The following USP6NL variants were observed in gnomAD, a reference collection of about 807,000 sequenced individuals.
USP6NL encodes the protein USP6 N-terminal-like protein.
A neutral mutation model predicts 61.9 loss-of-function variants in USP6NL; 26 were observed. That is an observed-to-expected ratio of 0.42 (90% CI 0.31 to 0.58). The LOEUF (loss-of-function observed/expected upper bound fraction) is 0.58. Among genes scored for constraint, USP6NL ranks in the 20% least tolerant of loss-of-function variants. USP6NL has a pLI of 0.16. For missense variants in USP6NL, 1,114 were observed against 1,034.3 expected (o/e 1.08, Z -1.06); for synonymous variants, 432 against 390.1 (o/e 1.11, Z -1.27).
Position 11,511,641 on chromosome 10 carries a change from G to A in USP6NL, c.196-1966C>T, listed in dbSNP as rs17458263. Among the ~76,000 whole-genome samples, 22,953 of 151,884 alleles carry A rather than the reference G, an allele frequency of 0.15. 2,033 individuals carry two copies. The highest frequency in any genetic ancestry group is 0.21 in the South Asian group (1,025 of 4,810). ...CATGAATTATCAATGAATCACTTTA[G>A]GAAGCAGTCATTTTTTTAAAAGCAC... On this transcript the variant is annotated intron_variant, in intron 5 of 14. Transcript: ENST00000609104. The surrounding 1 kb of genome is among the most constrained non-coding windows in gnomAD (Gnocchi z 4.9).
chr10:11,482,396 A>C lies in USP6NL; in HGVS notation c.926-474T>G, dbSNP rs555369239. 2.0e-5 allele frequency among the ~76,000 whole-genome samples: 3 copies of C among 152,338 alleles called. No individual in the cohort carries two copies. In the South Asian group the frequency reaches 6.2e-4, roughly 32 times the overall value. On this transcript the variant is annotated intron_variant, in intron 13 of 14. Coordinates refer to ENST00000609104, the MANE Select transcript of USP6NL (RefSeq NM_014688.5). This position sits in a 1 kb window ranked among gnomAD's most constrained non-coding sequence, Gnocchi z 4.0. The stretch of plus-strand genomic sequence containing the variant: ...AGTTTTATTTCTATTTATGAAATTC[A>C]TTTTCTTGGAAAAAGACATTCAAAT...
At chr10:11,546,394 T>C (rs2133471838) in intron 2 of USP6NL, among the ~76,000 whole-genome samples, 1 of 152,222 alleles carries the variant, frequency 6.6e-6, no homozygotes, top group East Asian at 1.9e-4. Flanking sequence ...AAGAGACAAT[T>C]TGGATTTTTC....
chr10:11,494,731 G>C (rs886877242), intron 7 of USP6NL, among the ~76,000 whole-genome samples: 5 of 152,090 alleles, frequency 3.3e-5, no homozygotes, highest in East Asian at 1.9e-4. Context: ...CTGAGGCAGA[G>C]AGAGAGAGGG....
chr10:11,464,413 G>GC (rs1311940956), intron 14 of USP6NL, among the ~76,000 whole-genome samples: 1 of 152,210 alleles, frequency 6.6e-6, no homozygotes, highest in African/African-American at 2.4e-5. Context: ...TGTAAGGCCT[G>GC]CGATAGGCAG....
In USP6NL at chr10:11,511,737, C is replaced by T. The variant is rs58206066; in HGVS notation, c.196-2062G>A. On this transcript the variant is annotated intron_variant, in intron 5 of 14. Transcript: ENST00000609104. This position sits in a 1 kb window ranked among gnomAD's most constrained non-coding sequence, Gnocchi z 4.9. ...GCTATACATTCCCACGCTGCAAGAA[C>T]AAAACACACACATACACATACAAAA... Among the ~76,000 whole-genome samples the T allele has an allele frequency of 0.1, 15,800 of 151,722 alleles. 1,305 individuals are homozygous for T. The highest frequency in any genetic ancestry group is 0.42 in the East Asian group (2,194 of 5,176).
rs79080923 is a variant in USP6NL, at chr10:11,487,838, C to T, written c.664+1264G>A. Among the ~76,000 whole-genome samples, 4,226 of 152,264 alleles carry T rather than the reference C, an allele frequency of 0.028. 78 individuals are homozygous for T. Among genetic ancestry groups the T allele is most frequent in the Non-Finnish European group, 0.036 (2,448 of 68,024 alleles). Reference sequence around the variant, plus strand: ...CTTCCACACACACACAATATCCTCACATGGTCAGAGTGTGAGACTTCACAA... The same window carrying T: ...CTTCCACACACACACAATATCCTCATATGGTCAGAGTGTGAGACTTCACAA... On this transcript the variant is annotated intron_variant, in intron 10 of 14. Coordinates refer to ENST00000609104, the MANE Select transcript of USP6NL (RefSeq NM_014688.5). The surrounding 1 kb of genome is among the most constrained non-coding windows in gnomAD (Gnocchi z 4.2).
intron 2 of USP6NL, among the ~76,000 whole-genome samples, chr10:11,569,329 T>C (rs887858888): frequency 6.6e-6 from 1 of 152,172 alleles, no homozygotes. Flanking sequence ...TCTAAGACCA[T>C]ATTATGGCAA....
intron 2 of USP6NL, among the ~76,000 whole-genome samples, chr10:11,533,088 A>T (rs552938353): frequency 6.6e-6 from 1 of 152,342 alleles, no homozygotes; most frequent in Admixed American, 6.5e-5. Flanking sequence ...ACTGGACACT[A>T]ATAAATTAAG....
chr10:11,540,432 T>G lies in USP6NL; in HGVS notation c.5-12865A>C, dbSNP rs1836004210. On this transcript the variant is annotated intron_variant, in intron 2 of 14. Coordinates refer to ENST00000609104, the MANE Select transcript of USP6NL (RefSeq NM_014688.5). The surrounding 1 kb of genome is among the most constrained non-coding windows in gnomAD (Gnocchi z 5.0). ...TTTTAGTATTACTAAAGCAACTGCC[T>G]TCATGATTAATTCCCATGACTACAG... is the stretch of plus-strand genomic sequence containing the variant. Among the ~76,000 whole-genome samples the G allele has an allele frequency of 6.6e-6, 1 of 152,208 alleles. No homozygotes were observed. Among genetic ancestry groups the G allele is most frequent in the African/African-American group, 2.4e-5 (1 of 41,468 alleles).
At chr10:11,508,635 T>TAA (rs1259404238) in intron 6 of USP6NL, among the ~76,000 whole-genome samples, 1 of 152,222 alleles carries the variant, frequency 6.6e-6, no homozygotes, top group Admixed American at 6.5e-5. Flanking sequence ...GTAAAAAGTG[T>TAA]TAACTTGATT....
intron 4 of USP6NL, among the ~76,000 whole-genome samples, chr10:11,522,996 A>G (rs1365772748): frequency 6.6e-6 from 1 of 152,226 alleles, no homozygotes; most frequent in Non-Finnish European, 1.5e-5. Context: ...GAGGAAGACA[A>G]AAACAGTACC....
At chr10:11,530,074 C>G (rs1835587230) in intron 2 of USP6NL, among the ~76,000 whole-genome samples, 1 of 143,072 alleles carries the variant, frequency 7.0e-6, no homozygotes, top group Admixed American at 7.4e-5. Flanking sequence ...TGCACTCCAG[C>G]CTGGGTGACA....
In USP6NL at chr10:11,587,571, AG is replaced by A. The variant is rs1184255162; in HGVS notation, c.4+10059del. 2.0e-5 allele frequency among the ~76,000 whole-genome samples: 3 copies of A among 152,344 alleles called. No individual in the cohort carries two copies. Among genetic ancestry groups the A allele is most frequent in the Middle Eastern group, 3.4e-3 (1 of 294 alleles). On this transcript the variant is annotated intron_variant, in intron 2 of 14. Coordinates refer to ENST00000609104, the MANE Select transcript of USP6NL (RefSeq NM_014688.5). This position sits in a 1 kb window ranked among gnomAD's most constrained non-coding sequence, Gnocchi z 4.5. ...GGCTAAAGAAAATGTATCAGGACAA[AG>A]AGGCACCAGGTTATGAGAACAGCTA...
At chr10:11,543,836 G>A (rs1269986527) in intron 2 of USP6NL, among the ~76,000 whole-genome samples, 1 of 94,192 alleles carries the variant, frequency 1.1e-5, no homozygotes, top group Non-Finnish European at 1.9e-5. Flanking sequence ...TTTTTGAGAT[G>A]GAGTCTCGCT....
rs1207437806 is a variant in USP6NL, at chr10:11,596,345, G to A, written c.4+1286C>T. ...AATAACAAAAGCTCTTTCTTGGCCG[G>A]GCGCGGTGGCTCACGCCTGTAATCC... On this transcript the variant is annotated intron_variant, in intron 2 of 14. Transcript: ENST00000609104. The surrounding 1 kb of genome is among the most constrained non-coding windows in gnomAD (Gnocchi z 4.1). Among the ~76,000 whole-genome samples the A allele has an allele frequency of 1.3e-5, 2 of 152,114 alleles. No individual in the cohort carries two copies. The highest frequency in any genetic ancestry group is 2.4e-5 in the African/African-American group (1 of 41,412).
chr10:11,525,534 A>C lies in USP6NL; in HGVS notation c.73-66T>G. On this transcript the variant is annotated intron_variant, in intron 3 of 14. Transcript: ENST00000609104. This position sits in a 1 kb window ranked among gnomAD's most constrained non-coding sequence, Gnocchi z 5.0. Reference sequence around the variant, plus strand: ...AAAACTGAATAATTTTTTAAAATAAAAGGACGAAGAAATAAGAGCTATTTT... The same window carrying C: ...AAAACTGAATAATTTTTTAAAATAACAGGACGAAGAAATAAGAGCTATTTT... 1 of 1,359,200 alleles carries C rather than the reference A, an allele frequency of 7.4e-7. No individual in the cohort carries two copies. The highest frequency in any genetic ancestry group is 9.9e-7 in the Non-Finnish European group (1 of 1,005,300). The allele number at this position is 1,359,200 out of a possible 1,614,324, so 84.2% of individuals were successfully genotyped here.
In USP6NL at chr10:11,482,676, A is replaced by G. The variant is rs531588018; in HGVS notation, c.926-754T>C. Among the ~76,000 whole-genome samples, 7 of 152,290 alleles carry G rather than the reference A, an allele frequency of 4.6e-5. No homozygotes were observed. The South Asian group carries it at 1.4e-3, about 32-fold the overall frequency. On this transcript the variant is annotated intron_variant, in intron 13 of 14. Coordinates refer to ENST00000609104, the MANE Select transcript of USP6NL (RefSeq NM_014688.5). The surrounding 1 kb of genome is among the most constrained non-coding windows in gnomAD (Gnocchi z 4.0). ...TATGTAAGCATTGTAATTTACTTAA[A>G]CAGTCTTCTATTAATGGTCATTTAG...
intron 7 of USP6NL, among the ~76,000 whole-genome samples, chr10:11,498,772 T>G (rs114569443): frequency 6.6e-6 from 1 of 152,160 alleles, no homozygotes; most frequent in Non-Finnish European, 1.5e-5. Context: ...CAGCAATCTT[T>G]TTCCTTCCTG....
intron 3 of USP6NL, among the ~76,000 whole-genome samples, chr10:11,526,349 G>A (rs2133399345): frequency 6.6e-6 from 1 of 152,220 alleles, no homozygotes; most frequent in East Asian, 1.9e-4. Flanking sequence ...TACACTGGGA[G>A]CATCCTGTAG....
Sources: allele counts gnomAD v4.1 joint callset (sites outside exome capture counted in the v4.1 genomes callset), GRCh38; gene constraint gnomAD v4.1.1; non-coding constraint Gnocchi (gnomAD v3.1); transcripts MANE v1.5; gene names NCBI Gene and HGNC (gene_info 2026-07-23, HGNC 2026-07-21).